The following PDE1C variants were observed in gnomAD, a reference collection of about 807,000 sequenced individuals.
The protein encoded by PDE1C is phosphodiesterase 1C, also known as dual specificity calcium/calmodulin-dependent 3',5'-cyclic nucleotide phosphodiesterase 1C.
Under a neutral mutation model 93.1 loss-of-function variants are expected in PDE1C, and 62 were observed. That is an observed-to-expected ratio of 0.67 (90% confidence interval 0.54 to 0.82). The LOEUF (loss-of-function observed/expected upper bound fraction) is 0.82. Ranked by LOEUF, PDE1C falls within the 40% of genes least tolerant of loss-of-function variation. The pLI is 0.00. For missense variants in PDE1C, 742 were observed against 884.6 expected (o/e 0.84, Z 2.04); for synonymous variants, 325 against 310.1 (o/e 1.05, Z -0.50).
chr7:32,365,059 C>T (rs966776211), intron 1 of PDE1C, among the ~76,000 whole-genome samples: 2 of 152,220 alleles, frequency 1.3e-5, no homozygotes, highest in Admixed American at 6.5e-5. Context: ...TATATGCCTA[C>T]ACTCAGAGCC....
At chr7:31,654,778 G>A in the PDE1C span, among the ~76,000 whole-genome samples, 1 of 152,156 alleles carries the variant, frequency 6.6e-6, no homozygotes, top group Admixed American at 6.5e-5. Flanking sequence ...TAATTTGTAT[G>A]AAAAGATGGT....
intron 2 of PDE1C, among the ~76,000 whole-genome samples, chr7:32,186,279 T>A (rs1803874836): frequency 6.6e-6 from 1 of 152,020 alleles, no homozygotes; most frequent in Admixed American, 6.5e-5. Context: ...ATTTTTTGTA[T>A]TTTTAGTAGA....
At chr7:31,918,417 C>T (rs1462891605) in intron 2 of PDE1C, among the ~76,000 whole-genome samples, 2 of 152,170 alleles carry the variant, frequency 1.3e-5, no homozygotes, top group Non-Finnish European at 2.9e-5. Flanking sequence ...TGTAACCCCA[C>T]GAAGACCCAA....
At chr7:31,652,027 C>A in the PDE1C span, 1 of 1,601,408 alleles carries the variant, frequency 6.2e-7, no homozygotes, top group Non-Finnish European at 8.5e-7. Flanking sequence ...CCGGGCTCAG[C>A]AAATCAGAGA....
the PDE1C span, among the ~76,000 whole-genome samples, chr7:31,741,039 C>G: frequency 9.9e-5 from 14 of 141,658 alleles, no homozygotes; most frequent in African/African-American, 3.4e-4. Context: ...TCCAGCCTGG[C>G]CAACAGACAA....
At chr7:31,660,047 C>CT in the PDE1C span, among the ~76,000 whole-genome samples, 41 of 151,998 alleles carry the variant, frequency 2.7e-4, no homozygotes, top group East Asian at 5.0e-3. Context: ...GCATTTCCCC[C>CT]TTTTTTTTTG....
At chr7:31,722,603 C>G in the PDE1C span, among the ~76,000 whole-genome samples, 1 of 152,150 alleles carries the variant, frequency 6.6e-6, no homozygotes, top group African/African-American at 2.4e-5. Flanking sequence ...GGAAGATGTG[C>G]CTCCAAGGAA....
At chr7:31,659,474 GCTT>G in the PDE1C span, among the ~76,000 whole-genome samples, 1 of 152,148 alleles carries the variant, frequency 6.6e-6, no homozygotes, top group Non-Finnish European at 1.5e-5. Context: ...CAACCTCTCT[GCTT>G]CTTCTTCTGC....
At chr7:32,113,247 A>ATATATATATG (rs1798778909) in intron 3 of PDE1C, among the ~76,000 whole-genome samples, 1 of 137,710 alleles carries the variant, frequency 7.3e-6, no homozygotes, top group Non-Finnish European at 1.5e-5. Flanking sequence ...ATATATATAT[A>ATATATATATG]TATATATATA....
chr7:31,842,814 T>C (rs981496636), intron 9 of PDE1C, among the ~76,000 whole-genome samples: 6 of 151,948 alleles, frequency 3.9e-5, no homozygotes, highest in African/African-American at 1.4e-4. Flanking sequence ...TGTTTTGGTC[T>C]AGCTTCCTGA....
intron 3 of PDE1C, among the ~76,000 whole-genome samples, chr7:32,079,160 C>T (rs1177408064): frequency 2.6e-5 from 4 of 152,170 alleles, no homozygotes; most frequent in Admixed American, 6.5e-5. Context: ...AATGCTGGAA[C>T]CTTTTAAATT....
At chr7:31,870,585 G>A (rs939875928) in intron 6 of PDE1C, among the ~76,000 whole-genome samples, 2 of 151,906 alleles carry the variant, frequency 1.3e-5, no homozygotes, top group African/African-American at 4.8e-5. Flanking sequence ...GACCAATAAT[G>A]AGTAATGAGT....
At chr7:31,680,890 T>TA in the PDE1C span, among the ~76,000 whole-genome samples, 1 of 152,102 alleles carries the variant, frequency 6.6e-6, no homozygotes, top group Non-Finnish European at 1.5e-5. Context: ...AATGGAGACA[T>TA]ATTGCAGATC....
At chr7:32,071,500 C>A (rs1796057991), upstream of PDE1C, 4 of 795,844 alleles carry the variant, frequency 5.0e-6, no homozygotes, top group Non-Finnish European at 6.1e-6. Context: ...CCTTTCACCC[C>A]CCCACCCCCA....
chr7:31,843,762 A>G (rs1167516657), intron 9 of PDE1C, among the ~76,000 whole-genome samples: 1 of 151,568 alleles, frequency 6.6e-6, no homozygotes, highest in Non-Finnish European at 1.5e-5. Context: ...TTCCCTTTGC[A>G]TTAACTTTTC....
chr7:31,760,884 A>G (rs1201851192), intron 17 of PDE1C, among the ~76,000 whole-genome samples: 1 of 152,116 alleles, frequency 6.6e-6, no homozygotes, highest in African/African-American at 2.4e-5. Context: ...ACTCTACTAT[A>G]CATTCTATTT....
At chr7:32,098,550 A>G (rs1433240648) in intron 3 of PDE1C, among the ~76,000 whole-genome samples, 1 of 152,226 alleles carries the variant, frequency 6.6e-6, no homozygotes, top group East Asian at 1.9e-4. Flanking sequence ...AAAGTAAAGA[A>G]AGATAAGTAG....
chr7:31,684,124 G>A, the PDE1C span, among the ~76,000 whole-genome samples: 3 of 152,136 alleles, frequency 2.0e-5, no homozygotes, highest in African/African-American at 7.2e-5. Flanking sequence ...GTTTACATCT[G>A]CCTTAAAAGG....
intron 2 of PDE1C, among the ~76,000 whole-genome samples, chr7:32,007,218 T>C (rs925663407): frequency 6.6e-6 from 1 of 152,186 alleles, no homozygotes; most frequent in African/African-American, 2.4e-5. Flanking sequence ...TTGCTTGCCA[T>C]TTTCTGTTCA....
Sources: gnomAD v4.1 joint callset for allele counts (sites outside exome capture counted in the v4.1 genomes callset) on GRCh38, gnomAD v4.1.1 for gene constraint, MANE v1.5 for transcripts, NCBI Gene and HGNC (gene_info 2026-07-23, HGNC 2026-07-21) for gene names.